The following STK17A variants were observed in gnomAD, a reference collection of about 807,000 sequenced individuals.
STK17A encodes the protein serine/threonine kinase 17a, also known as serine/threonine-protein kinase 17A.
STK17A carries 26 observed loss-of-function variants against 43.7 expected under a neutral mutation model. That is an observed-to-expected ratio of 0.60 (90% CI 0.44 to 0.83). The LOEUF (loss-of-function observed/expected upper bound fraction) is 0.83. Among genes scored for constraint, STK17A ranks in the 40% least tolerant of loss-of-function variants. The pLI is 0.00. For missense variants in STK17A, 476 were observed against 511.6 expected (o/e 0.93, Z 0.67); for synonymous variants, 191 against 182.5 (o/e 1.05, Z -0.38).
intron 2 of STK17A, among the ~76,000 whole-genome samples, chr7:43,600,355 AT>A (rs759656303): frequency 2.7e-4 from 41 of 152,236 alleles, no homozygotes; most frequent in Non-Finnish European, 4.9e-4. Flanking sequence ...CAAGATTGTG[AT>A]TTGGGGATTT....
chr7:43,600,904 T>G (rs2082550501), intron 2 of STK17A, among the ~76,000 whole-genome samples: 1 of 152,200 alleles, frequency 6.6e-6, no homozygotes, highest in African/African-American at 2.4e-5. Flanking sequence ...TTAATTTTTT[T>G]CACAAGGAAA....
chr7:43,619,530 T>A, intron 3 of STK17A, 67 bp from the exon 4 acceptor site: 1 of 1,555,116 alleles, frequency 6.4e-7, no homozygotes, highest in Non-Finnish European at 8.7e-7. Flanking sequence ...ATATGTTTTA[T>A]GGGCTGCATG....
At chr7:43,585,068 G>A (rs554743862) in intron 1 of STK17A, among the ~76,000 whole-genome samples, 8 of 152,102 alleles carry the variant, frequency 5.3e-5, no homozygotes, top group Non-Finnish European at 1.0e-4. Context: ...CTGGTGGTGG[G>A]CGCCTGTAAT....
At chr7:43,614,592 T>C (rs796888796) in intron 3 of STK17A, among the ~76,000 whole-genome samples, 27 of 152,334 alleles carry the variant, frequency 1.8e-4, no homozygotes, top group African/African-American at 5.3e-4. Context: ...TTTTTAAAAA[T>C]AGCCCTGTGG....
In STK17A at chr7:43,585,434, G is replaced by GT. The variant is rs200789518; in HGVS notation, c.206+1994dup. Among the ~76,000 whole-genome samples the GT allele has an allele frequency of 1.7e-4, 25 of 150,278 alleles. No individual in the cohort carries two copies. The East Asian group carries it at 1.7e-3, about 10-fold the overall frequency. On this transcript the variant is annotated intron_variant, in intron 1 of 6. Transcript: ENST00000319357. ...ATTATAAAATTAGCTTTCCGATCAGGTTTTTTTTTAAGATTGTGATATCTT... is the reference window on the plus strand; with the variant it reads ...ATTATAAAATTAGCTTTCCGATCAGGTTTTTTTTTTAAGATTGTGATATCTT...
chr7:43,614,201 G>A (rs1207635390), intron 3 of STK17A, among the ~76,000 whole-genome samples: 2 of 152,030 alleles, frequency 1.3e-5, no homozygotes, highest in East Asian at 1.9e-4. Flanking sequence ...ACGTTAAATG[G>A]ATTATGTACA....
chr7:43,592,402 G>A (rs2082485987), intron 1 of STK17A, among the ~76,000 whole-genome samples: 1 of 142,898 alleles, frequency 7.0e-6, no homozygotes, highest in South Asian at 2.1e-4. Flanking sequence ...ATAGGGCTAT[G>A]CTTAAGGATT....
intron 3 of STK17A, 109 bp downstream of exon 3, chr7:43,608,509 A>G (rs1583562007): frequency 1.5e-6 from 2 of 1,334,960 alleles, no homozygotes; most frequent in East Asian, 4.7e-5. Context: ...TTATTAGGTA[A>G]CAAGGATATT....
intron 5 of STK17A, 29 bp from the exon 6 acceptor site, chr7:43,623,680 A>AT: frequency 6.2e-7 from 1 of 1,602,208 alleles, no homozygotes; most frequent in Non-Finnish European, 8.5e-7. Context: ...ATGGTACTAA[A>AT]TTTTTCTTGC....
At chr7:43,597,110 C>T (rs959843625) in intron 2 of STK17A, among the ~76,000 whole-genome samples, 2 of 152,112 alleles carry the variant, frequency 1.3e-5, no homozygotes, top group Non-Finnish European at 2.9e-5. Flanking sequence ...CTAGCCAAAG[C>T]GGTTAAAGTT....
intron 2 of STK17A, among the ~76,000 whole-genome samples, chr7:43,601,546 T>C (rs145133941): frequency 6.6e-6 from 1 of 152,226 alleles, no homozygotes; most frequent in Non-Finnish European, 1.5e-5. Flanking sequence ...TCCTCATTCT[T>C]GCAAAACCTG....
chr7:43,619,166 G>C (rs1443050496), intron 3 of STK17A, among the ~76,000 whole-genome samples: 2 of 152,198 alleles, frequency 1.3e-5, no homozygotes, highest in Non-Finnish European at 2.9e-5. Flanking sequence ...GATTATTGAA[G>C]TTATTGTGAC....
intron 3 of STK17A, among the ~76,000 whole-genome samples, chr7:43,617,216 C>T (rs558216632): frequency 4.0e-4 from 61 of 152,070 alleles, no homozygotes; most frequent in African/African-American, 1.4e-3. Flanking sequence ...GCACACCATG[C>T]GAAGGAGTTT....
chr7:43,611,362 A>G (rs36028286), intron 3 of STK17A, among the ~76,000 whole-genome samples: 1 of 152,172 alleles, frequency 6.6e-6, no homozygotes, highest in Non-Finnish European at 1.5e-5. Flanking sequence ...TTTCTCAAAG[A>G]TATTAATTTT....
At chr7:43,595,277 T>TG (rs1476599432) in intron 1 of STK17A, among the ~76,000 whole-genome samples, 1 of 146,016 alleles carries the variant, frequency 6.8e-6, no homozygotes, top group Non-Finnish European at 1.5e-5. Flanking sequence ...CTTTTTTTTT[T>TG]TTTTTTTTTT....
At chr7:43,584,202 T>C (rs754840727) in intron 1 of STK17A, among the ~76,000 whole-genome samples, 3 of 152,172 alleles carry the variant, frequency 2.0e-5, no homozygotes, top group Non-Finnish European at 4.4e-5. Flanking sequence ...CTTTACATTT[T>C]GTATGCTGAA....
chr7:43,624,865 C>T lies in STK17A; in HGVS notation c.*23C>T, dbSNP rs969814970. On this transcript the variant is annotated 3_prime_UTR_variant, in exon 7 of 7. Transcript: ENST00000319357. ...TGAGCAATATTTCCCTTTAGAACTTCAAGATTTCTACATTGAAAATGTTAA... is the reference window on the plus strand; with the variant it reads ...TGAGCAATATTTCCCTTTAGAACTTTAAGATTTCTACATTGAAAATGTTAA... 1.3e-6 allele frequency: 2 copies of T among 1,554,618 alleles called. No homozygotes were observed. Among genetic ancestry groups the T allele is most frequent in the East Asian group, 2.3e-5 (1 of 44,410 alleles).
chr7:43,594,702 ATAT>A (rs1039632744), intron 1 of STK17A, among the ~76,000 whole-genome samples: 7 of 152,096 alleles, frequency 4.6e-5, no homozygotes, highest in Non-Finnish European at 1.0e-4. Flanking sequence ...CAATTGAAAT[ATAT>A]TATTCTTTAA....
chr7:43,586,776 T>C (rs1232566120), intron 1 of STK17A, among the ~76,000 whole-genome samples: 2 of 151,618 alleles, frequency 1.3e-5, no homozygotes, highest in African/African-American at 2.4e-5. Context: ...GAAAAAAATA[T>C]TTTAAGCCAA....
Sources: allele counts gnomAD v4.1 joint callset (sites outside exome capture counted in the v4.1 genomes callset), GRCh38; gene constraint gnomAD v4.1.1; transcripts MANE v1.5; gene names NCBI Gene and HGNC (gene_info 2026-07-23, HGNC 2026-07-21).